NKIRAS2: variants seen among roughly 807,000 people sequenced by gnomAD.
NKIRAS2 encodes NFKB inhibitor interacting Ras like 2, also known as NF-kappa-B inhibitor-interacting Ras-like protein 2.
In NKIRAS2, 15 loss-of-function variants were observed where a neutral mutation model predicts 20.7. The observed-to-expected ratio is 0.73, with a 90% CI of 0.49 to 1.12. The LOEUF (loss-of-function observed/expected upper bound fraction) is 1.12. Ranked by LOEUF, NKIRAS2 falls within the 50% of genes most tolerant of loss-of-function variation. The pLI, the probability that NKIRAS2 is intolerant of heterozygous loss-of-function variation, is 0.00. For synonymous variants in NKIRAS2, 116 were observed against 101.4 expected (o/e 1.14, Z -0.87); for missense variants, 196 against 249.6 (o/e 0.79, Z 1.45).
intron 3 of NKIRAS2, among the ~76,000 whole-genome samples, chr17:42,023,362 A>G (rs2052503784): frequency 6.6e-6 from 1 of 152,078 alleles, no homozygotes; most frequent in African/African-American, 2.4e-5. Context: ...GTGCTTCCTC[A>G]CCTGTTGTTG....
At chr17:42,023,575 C>T in intron 3 of NKIRAS2, 79 bp from the exon 4 acceptor site, 1 of 1,342,568 alleles carries the variant, frequency 7.4e-7, no homozygotes, top group Non-Finnish European at 1.0e-6. Context: ...CATAGAACTC[C>T]TAGGTGGTTG....
chr17:42,018,719 T>C (rs1162775520), upstream of NKIRAS2, among the ~76,000 whole-genome samples: 1 of 152,210 alleles, frequency 6.6e-6, no homozygotes, highest in Non-Finnish European at 1.5e-5. Flanking sequence ...CTTCCCACTT[T>C]ATGTTCTATC....
rs2052553025 is a variant in NKIRAS2 at position 42,025,403 on chromosome 17, G to A, written c.*1510G>A. Reference sequence around the variant, plus strand: ...AGGGTGGGCACACACCCAGCGGCCTGCAGAGTAAGCTTATTACCCACAACT... The same window carrying A: ...AGGGTGGGCACACACCCAGCGGCCTACAGAGTAAGCTTATTACCCACAACT... On this transcript the variant is annotated 3_prime_UTR_variant, in exon 4 of 4. Coordinates refer to ENST00000393885, the MANE Select transcript of NKIRAS2 (RefSeq NM_017595.6). 1 of 152,616 alleles carries A rather than the reference G, an allele frequency of 6.6e-6. No individual in the cohort carries two copies. The highest frequency in any genetic ancestry group is 1.5e-5 in the Non-Finnish European group (1 of 68,096). The allele number at this position is 152,616 out of a possible 1,614,324, so 9.5% of individuals were successfully genotyped here. A position where few individuals can be genotyped will look rare whatever the true frequency, so the allele number is the denominator to read the frequency against.
In NKIRAS2 at chr17:42,025,573, G is replaced by A. The variant is rs1396832757; in HGVS notation, c.*1680G>A. On this transcript the variant is annotated 3_prime_UTR_variant, in exon 4 of 4. Coordinates refer to ENST00000393885, the MANE Select transcript of NKIRAS2 (RefSeq NM_017595.6). ...GGTGAGTGGAATTAGGACACACACA[G>A]GCTTGGGCTTCAAGTTCATTTATTG... is the stretch of plus-strand genomic sequence containing the variant. The A allele has an allele frequency of 6.6e-6, 1 of 152,382 alleles. No homozygotes were observed. The highest frequency in any genetic ancestry group is 1.5e-5 in the Non-Finnish European group (1 of 68,014). The allele number at this position is 152,382 out of a possible 1,614,324, so 9.4% of individuals were successfully genotyped here.
chr17:42,021,791 AACTT>A, intron 2 of NKIRAS2, 120 bp downstream of exon 2: 1 of 911,808 alleles, frequency 1.1e-6, no homozygotes, highest in African/African-American at 1.6e-5. Context: ...GGAAGAATAA[AACTT>A]ACATTGTAAC....
rs998402849 is a variant in NKIRAS2 at position 42,025,604 on chromosome 17, T to A, written c.*1711T>A. On this transcript the variant is annotated 3_prime_UTR_variant, in exon 4 of 4. Transcript: ENST00000393885. Reference sequence around the variant, plus strand: ...GGCTTCAAGTTCATTTATTGATGCATTGGTTGGACACAATAAAACCACAAT... The same window carrying A: ...GGCTTCAAGTTCATTTATTGATGCAATGGTTGGACACAATAAAACCACAAT... The A allele has an allele frequency of 6.6e-6, 1 of 152,416 alleles. No homozygotes were observed. The highest frequency in any genetic ancestry group is 1.5e-5 in the Non-Finnish European group (1 of 67,990). 9.4% of individuals were successfully genotyped at this position (152,416 alleles called of 1,614,324 possible). A position where few individuals can be genotyped will look rare whatever the true frequency, so the allele number is the denominator to read the frequency against.
chr17:42,020,653 CTCTTG>C (rs1469739427), intron 1 of NKIRAS2: 1 of 152,198 alleles, frequency 6.6e-6, no homozygotes, highest in Non-Finnish European at 1.5e-5. Flanking sequence ...ATTCTTTTCT[CTCTTG>C]TCTTATGTTC....
rs782048689 is a variant in NKIRAS2 at position 42,023,936 on chromosome 17, G to A, written c.*43G>A. ...TTCACGATCCCAGCCCCATTTCAGT[G>A]TCTGGGGCTCTGGTAGATGTGTTGA... On this transcript the variant is annotated 3_prime_UTR_variant, in exon 4 of 4. Transcript: ENST00000393885. 32 of 1,602,468 alleles carry A rather than the reference G, an allele frequency of 2.0e-5. No individual in the cohort carries two copies. In the South Asian group the frequency reaches 3.3e-4, roughly 17 times the overall value.
At chr17:42,021,999 C>T (rs1406400735) in intron 2 of NKIRAS2, 24 of 564,108 alleles carry the variant, frequency 4.3e-5, no homozygotes, top group African/African-American at 2.6e-4. Flanking sequence ...CACCTCAGGT[C>T]GGGAGTTCGA....
intron 1 of NKIRAS2, chr17:42,021,324 A>G (rs2052442556): frequency 4.4e-6 from 2 of 456,542 alleles, no homozygotes; most frequent in Non-Finnish European, 8.1e-6. Context: ...ACAGCTTACC[A>G]TCCAGTAGTA....
Position 42,024,970 on chromosome 17 carries a change from AGAT to A in NKIRAS2, c.*1081_*1083del, listed in dbSNP as rs1250481737. The A allele has an allele frequency of 1.3e-5, 2 of 152,614 alleles. No homozygotes were observed. Among genetic ancestry groups the A allele is most frequent in the African/African-American group, 4.8e-5 (2 of 41,426 alleles). 9.5% of individuals were successfully genotyped at this position (152,614 alleles called of 1,614,324 possible). A position where few individuals can be genotyped will look rare whatever the true frequency, so the allele number is the denominator to read the frequency against. Reference sequence around the variant, plus strand: ...ATCTGTAAGATGACCAGAGTTGCTTAGATGATCTCCTAGATCCTTTCCAGTTCT... The same window carrying A: ...ATCTGTAAGATGACCAGAGTTGCTTAGATCTCCTAGATCCTTTCCAGTTCT... On this transcript the variant is annotated 3_prime_UTR_variant, in exon 4 of 4. Transcript: ENST00000393885.
At chr17:42,023,043 C>T (rs1555653415) in intron 3 of NKIRAS2, 1 of 314,002 alleles carries the variant, frequency 3.2e-6, no homozygotes, top group East Asian at 9.2e-5. Context: ...CACTCTGCCA[C>T]CCAGGCTGGA....
intron 3 of NKIRAS2, 63 bp from the exon 4 acceptor site, chr17:42,023,591 C>T: frequency 6.6e-7 from 1 of 1,517,496 alleles, no homozygotes; most frequent in Non-Finnish European, 9.0e-7. Flanking sequence ...GGTTGCCAGC[C>T]CCCATGTCCA....
At chr17:42,021,900 T>C (rs782439128) in intron 2 of NKIRAS2, 2 of 715,676 alleles carry the variant, frequency 2.8e-6, no homozygotes, top group Non-Finnish European at 5.2e-6. Context: ...GTGCTTAGCA[T>C]GGAATTAGCA....
At chr17:42,018,716 C>T (rs1366582109), upstream of NKIRAS2, among the ~76,000 whole-genome samples, 5 of 152,222 alleles carry the variant, frequency 3.3e-5, no homozygotes, top group African/African-American at 1.2e-4. Context: ...CATCTTCCCA[C>T]TTTATGTTCT....
At chr17:42,018,944 T>C (rs958418665), upstream of NKIRAS2, among the ~76,000 whole-genome samples, 1 of 152,190 alleles carries the variant, frequency 6.6e-6, no homozygotes, top group Non-Finnish European at 1.5e-5. Flanking sequence ...AAAAAACAAA[T>C]GTTGGATGTA....
intron 1 of NKIRAS2, 145 bp downstream of exon 1, chr17:42,020,349 T>G (rs1183845324): frequency 6.6e-6 from 1 of 152,454 alleles, no homozygotes; most frequent in Non-Finnish European, 1.5e-5. Context: ...TGGCCCACTC[T>G]TATGGTGTCC....
intron 2 of NKIRAS2, 84 bp downstream of exon 2, chr17:42,021,755 AG>A (rs1344440525): frequency 2.3e-5 from 29 of 1,287,590 alleles, no homozygotes; most frequent in Non-Finnish European, 2.8e-5. Context: ...ACAGGCTAAA[AG>A]CTGCTCCTGG....
chr17:42,021,366 A>C (rs1427990173), intron 1 of NKIRAS2, 198 bp from the exon 2 acceptor site: 1 of 549,038 alleles, frequency 1.8e-6, no homozygotes, highest in Non-Finnish European at 3.3e-6. Context: ...TCTGACTAGC[A>C]TTGGGATGGT....
Sources: gnomAD v4.1 joint callset for allele counts (sites outside exome capture counted in the v4.1 genomes callset) on GRCh38, gnomAD v4.1.1 for gene constraint, MANE v1.5 for transcripts, NCBI Gene and HGNC (gene_info 2026-07-23, HGNC 2026-07-21) for gene names.